The following PCSK1 variants were observed in gnomAD, a reference collection of about 807,000 sequenced individuals.
The protein encoded by PCSK1 is neuroendocrine convertase 1.
PCSK1 carries 56 observed loss-of-function variants against 90.6 expected under a neutral mutation model. The observed-to-expected ratio is 0.62, with a 90% CI of 0.50 to 0.77. The LOEUF is 0.77. PCSK1 is among the 30% of genes least tolerant of loss of function. The pLI, the probability that PCSK1 is intolerant of heterozygous loss-of-function variation, is 0.00. For missense variants in PCSK1, 801 were observed against 932.6 expected (o/e 0.86, Z 1.84); for synonymous variants, 348 against 342.4 (o/e 1.02, Z -0.18).
chr5:96,401,650 C>A (rs940587138), intron 9 of PCSK1, among the ~76,000 whole-genome samples: 4 of 152,276 alleles, frequency 2.6e-5, no homozygotes, highest in Non-Finnish European at 5.9e-5. Flanking sequence ...CACATGGTCC[C>A]GAGCTCTTTT....
rs1419185799 is a variant in PCSK1 at position 96,390,522 on chromosome 5, A to G, written c.*2479T>C. On this transcript the variant is annotated 3_prime_UTR_variant, in exon 14 of 14. Coordinates refer to ENST00000311106, the MANE Select transcript of PCSK1 (RefSeq NM_000439.5). ...TGTATTAGGCTATTAGACAAATGTC[A>G]CTTTTAATATCACAACACATACATG... is the stretch of plus-strand genomic sequence containing the variant. 1 of 152,632 alleles carries G rather than the reference A, an allele frequency of 6.6e-6. No individual in the cohort carries two copies. The highest frequency in any genetic ancestry group is 6.5e-5 in the Admixed American group (1 of 15,278). 9.5% of individuals were successfully genotyped at this position (152,632 alleles called of 1,614,324 possible).
At chr5:96,432,170 A>T in intron 1 of PCSK1, 1 of 1,529,792 alleles carries the variant, frequency 6.5e-7, no homozygotes, top group Non-Finnish European at 8.8e-7. Flanking sequence ...GGGCAAAGTT[A>T]TGAAGCTTGG....
intron 2 of PCSK1, 47 bp downstream of exon 2, chr5:96,429,166 G>A (rs754834334): frequency 3.2e-6 from 3 of 943,658 alleles, no homozygotes; most frequent in African/African-American, 1.6e-5. Flanking sequence ...CATAAAGAAA[G>A]CAGATAAGCT....
At chr5:96,400,835 C>A (rs1322366937) in intron 9 of PCSK1, among the ~76,000 whole-genome samples, 5 of 144,320 alleles carry the variant, frequency 3.5e-5, no homozygotes, top group Non-Finnish European at 7.5e-5. Context: ...CGCCTGTAAT[C>A]CCAGCACTTT....
At position 96,421,925 on chromosome 5, in the gene PCSK1, T is replaced by C. The variant is rs1761140865; in HGVS notation, c.575A>G (p.Asn192Ser). Residue 192 changes from asparagine (N) to serine (S), a missense_variant, in exon 5 of 14, where the codon AAT (asparagine) becomes AGT (serine). Physicochemically the swap from Asn to Ser is conservative, Grantham distance 46. Coordinates refer to ENST00000311106, the MANE Select transcript of PCSK1 (RefSeq NM_000439.5). ...DPEASYDFND[N>S]DHDPFPRYDP... is the part of the protein sequence containing the mutation. ...ATATCGGGGAAATGGATCATGGTCA[T>C]TATCATTAAAATCATAGCTAGCCTC... 1 of 1,583,052 alleles carries C rather than the reference T, an allele frequency of 6.3e-7. No individual in the cohort carries two copies. Among genetic ancestry groups the C allele is most frequent in the Admixed American group, 1.7e-5 (1 of 59,304 alleles).
At chr5:96,412,106 C>T (rs368327722) in intron 7 of PCSK1, among the ~76,000 whole-genome samples, 2 of 152,330 alleles carry the variant, frequency 1.3e-5, no homozygotes, top group East Asian at 1.9e-4. Flanking sequence ...CCTTGGCCAT[C>T]GCGCCTGGCC....
At chr5:96,397,531 C>T (rs1760200537) in intron 11 of PCSK1, 62 bp from the exon 12 acceptor site, 21 of 1,420,818 alleles carry the variant, frequency 1.5e-5, no homozygotes, top group Non-Finnish European at 2.0e-5. Context: ...TACACTCTAG[C>T]ATCTGATAAC....
At chr5:96,431,000 A>G (rs113822548) in intron 1 of PCSK1, among the ~76,000 whole-genome samples, 2,297 of 152,304 alleles carry the variant, frequency 0.015, 65 homozygotes, top group African/African-American at 0.053. Flanking sequence ...GAAAAAGAAG[A>G]GAGATTTAGT....
chr5:96,405,756 C>A (rs987644822), intron 9 of PCSK1, among the ~76,000 whole-genome samples: 1 of 152,148 alleles, frequency 6.6e-6, no homozygotes, highest in African/African-American at 2.4e-5. Flanking sequence ...GTTTTAGAAA[C>A]CAAGGATTGC....
rs558101082 is a variant in PCSK1, at chr5:96,413,670, C to T, written c.710-1180G>A. 5.9e-4 allele frequency among the ~76,000 whole-genome samples: 90 copies of T among 151,492 alleles called. 1 individual carries two copies. Among genetic ancestry groups the T allele is most frequent in the African/African-American group, 1.9e-3 (78 of 41,250 alleles). ...CAAAAATTAGTCAGGCATGCTGGCA[C>T]GCACCTATAATCCCAGCTACTCAGG... On this transcript the variant is annotated intron_variant, in intron 6 of 13. Transcript: ENST00000311106.
At chr5:96,431,606 A>T (rs1041133051) in intron 1 of PCSK1, among the ~76,000 whole-genome samples, 49 of 152,170 alleles carry the variant, frequency 3.2e-4, no homozygotes, top group African/African-American at 1.1e-3. Context: ...CAAAAGACTC[A>T]TCTGCTGCTG....
rs145839357 is a variant in PCSK1, at chr5:96,423,776, C to A, written c.397-317G>T. On this transcript the variant is annotated intron_variant, in intron 3 of 13. Coordinates refer to ENST00000311106, the MANE Select transcript of PCSK1 (RefSeq NM_000439.5). ...TTTCATTTATAATAACATGCTCAAC[C>A]CTTTCATCTATGGAAGCTCTATTTG... Among the ~76,000 whole-genome samples the A allele has an allele frequency of 2.0e-4, 30 of 152,288 alleles. No individual in the cohort carries two copies. The East Asian group carries it at 5.8e-3, about 29-fold the overall frequency.
intron 6 of PCSK1, among the ~76,000 whole-genome samples, chr5:96,413,225 A>G (rs868459722): frequency 6.6e-6 from 1 of 152,196 alleles, no homozygotes; most frequent in Admixed American, 6.5e-5. Context: ...TTCACCCCCA[A>G]GGGGAATCAT....
chr5:96,397,960 T>C (rs962010802), intron 11 of PCSK1, among the ~76,000 whole-genome samples: 10 of 151,988 alleles, frequency 6.6e-5, no homozygotes, highest in African/African-American at 1.9e-4. Context: ...ATTTAATTAA[T>C]GTATTAATTT....
At chr5:96,414,009 G>A (rs1760862572) in intron 6 of PCSK1, among the ~76,000 whole-genome samples, 3 of 149,086 alleles carry the variant, frequency 2.0e-5, no homozygotes, top group East Asian at 2.0e-4. Context: ...CGTAGTGGCG[G>A]GTTCCTGTAG....
intron 12 of PCSK1, 46 bp downstream of exon 12, chr5:96,397,290 G>A (rs1321333954): frequency 6.3e-7 from 1 of 1,575,430 alleles, no homozygotes; most frequent in Non-Finnish European, 8.7e-7. Flanking sequence ...GCTTCAAAAT[G>A]TTTAAAAGTA....
Position 96,412,752 on chromosome 5 carries a change from G to GTTTTTTTTTTTTTTTTTTTTTTT in PCSK1, c.710-285_710-263dup, listed in dbSNP as rs57397343. Among the ~76,000 whole-genome samples the GTTTTTTTTTTTTTTTTTTTTTTT allele has an allele frequency of 2.1e-4, 15 of 71,806 alleles. 4 individuals are homozygous for GTTTTTTTTTTTTTTTTTTTTTTT. Among genetic ancestry groups the GTTTTTTTTTTTTTTTTTTTTTTT allele is most frequent in the African/African-American group, 1.3e-3 (15 of 11,126 alleles). The allele number at this position is 71,806 out of a possible 152,430, so 47.1% of individuals were successfully genotyped here. A position where few individuals can be genotyped will look rare whatever the true frequency, so the allele number is the denominator to read the frequency against. ...CATGCACTGTGTAGGCAGCTGTGAT[G>GTTTTTTTTTTTTTTTTTTTTTTT]TTTTTTTTTTTTTTTTTTTTTTTGG... On this transcript the variant is annotated intron_variant, in intron 6 of 13. Transcript: ENST00000311106.
At chr5:96,408,604 C>T (rs953550089) in intron 8 of PCSK1, among the ~76,000 whole-genome samples, 3 of 152,178 alleles carry the variant, frequency 2.0e-5, no homozygotes, top group Admixed American at 6.5e-5. Flanking sequence ...GATTCCCAAA[C>T]GAAATGCTGT....
rs73772389 is a variant in PCSK1, at chr5:96,399,895, A to C, written c.1430+58T>G. The C allele has an allele frequency of 4.9e-3, 6,460 of 1,329,686 alleles. 245 individuals are homozygous for C. In the African/African-American group the frequency reaches 0.082, roughly 17 times the overall value. The allele number at this position is 1,329,686 out of a possible 1,614,324, so 82.4% of individuals were successfully genotyped here. A position where few individuals can be genotyped will look rare whatever the true frequency, so the allele number is the denominator to read the frequency against. The stretch of plus-strand genomic sequence containing the variant: ...AAAAAAATCAGGCAGAATGGCAAAC[A>C]TAGTAATGAAATTATGCCATGGGCA... On this transcript the variant is annotated intron_variant, in intron 10 of 13. Transcript: ENST00000311106.
Sources: gnomAD v4.1 joint callset for allele counts (sites outside exome capture counted in the v4.1 genomes callset) on GRCh38, gnomAD v4.1.1 for gene constraint, MANE v1.5 for transcripts, NCBI Gene and HGNC (gene_info 2026-07-23, HGNC 2026-07-21) for gene names.